The following UGT1A4 variants were observed in gnomAD, a reference collection of about 807,000 sequenced individuals.
The protein encoded by UGT1A4 is UDP-glucuronosyltransferase 1A4.
A neutral mutation model predicts 41.1 loss-of-function variants in UGT1A4; 32 were observed. The observed-to-expected ratio is 0.78, with a 90% CI of 0.59 to 1.05. The LOEUF (loss-of-function observed/expected upper bound fraction) is 1.05. Among genes scored for constraint, UGT1A4 ranks in the 50% least tolerant of loss-of-function variants. The pLI, the probability that UGT1A4 is intolerant of heterozygous loss-of-function variation, is 0.00. For missense variants in UGT1A4, 748 were observed against 677.4 expected (o/e 1.10, Z -1.16); for synonymous variants, 283 against 265.1 (o/e 1.07, Z -0.66).
rs2077866341 is a variant in UGT1A4 at position 233,729,479 on chromosome 2, A to T, written c.867+9792A>T. 5 of 1,614,240 alleles carry T rather than the reference A, an allele frequency of 3.1e-6. No homozygotes were observed. The East Asian group carries it at 1.1e-4, about 36-fold the overall frequency. On this transcript the variant is annotated intron_variant, in intron 1 of 4. Coordinates refer to ENST00000373409, the MANE Select transcript of UGT1A4 (RefSeq NM_007120.3). ...TTTTTCAGAAGTATGGCAATGTTGA[A>T]CAATATGTCTTTGGTCTATCATAGG...
chr2:233,740,981 G>T (rs1424238424), intron 1 of UGT1A4: 1 of 151,674 alleles, frequency 6.6e-6, no homozygotes, highest in African/African-American at 2.4e-5. Flanking sequence ...TAGCTACTGG[G>T]AATGCTGAGG....
chr2:233,772,462 T>C lies in UGT1A4; in HGVS notation c.1508T>C (p.Val503Ala), dbSNP rs752117935. The C allele has an allele frequency of 6.2e-7, 1 of 1,614,170 alleles. No homozygotes were observed. Among genetic ancestry groups the C allele is most frequent in the South Asian group, 1.1e-5 (1 of 91,082 alleles). ...TTCCTCTTGGCCGTCGTGCTGACAG[T>C]GGCCTTCATCACCTTTAAATGTTGT... is the stretch of plus-strand genomic sequence containing the variant. ...IGFLLAVVLTVAFITFKCCAY... is the reference protein window; with the variant it reads ...IGFLLAVVLTAAFITFKCCAY... Residue 503 changes from valine to alanine, a missense_variant, in exon 5 of 5, where the codon GTG becomes GCG. Physicochemically the swap from Val to Ala is moderately conservative, Grantham distance 64. Transcript: ENST00000373409.
intron 4 of UGT1A4, chr2:233,771,323 A>G (rs112105474): frequency 2.6e-5 from 4 of 151,390 alleles, no homozygotes; most frequent in Admixed American, 6.6e-5. Flanking sequence ...CTCCTCTTCA[A>G]TCTCCTCTTC....
intron 1 of UGT1A4, among the ~76,000 whole-genome samples, chr2:233,752,979 T>C (rs993600275): frequency 5.3e-5 from 8 of 152,202 alleles, no homozygotes; most frequent in Non-Finnish European, 1.0e-4. Context: ...ATTGTGTAGA[T>C]ACAAACCCAC....
chr2:233,755,203 AC>A (rs1695811923), intron 1 of UGT1A4: 1 of 1,097,556 alleles, frequency 9.1e-7, no homozygotes, highest in East Asian at 4.8e-5. Flanking sequence ...AGCTTGCGGT[AC>A]GCCTTCTTGA....
chr2:233,719,848 T>G (rs1575529888), intron 1 of UGT1A4, among the ~76,000 whole-genome samples, 161 bp downstream of exon 1: 1 of 152,206 alleles, frequency 6.6e-6, no homozygotes, highest in Non-Finnish European at 1.5e-5. Context: ...TATTTCAAGT[T>G]TTCAGTGGTC....
rs542225006 is a variant in UGT1A4 at position 233,769,560 on chromosome 2, G to A, written c.1307+1121G>A. 3.2e-5 allele frequency: 51 copies of A among 1,612,868 alleles called. No individual in the cohort carries two copies. The African/African-American group carries it at 6.7e-4, about 21-fold the overall frequency. The stretch of plus-strand genomic sequence containing the variant: ...AAGCAGCAGTCAGGAAGACAGATGT[G>A]AAGAGCTGGAGCATGTTCAGATGAG... On this transcript the variant is annotated intron_variant, in intron 4 of 4. Transcript: ENST00000373409. The surrounding 1 kb of genome is among the most constrained non-coding windows in gnomAD (Gnocchi z 4.4).
intron 1 of UGT1A4, among the ~76,000 whole-genome samples, chr2:233,734,101 T>TATA (rs549143261): frequency 0.029 from 4,376 of 151,364 alleles, 190 homozygotes; most frequent in African/African-American, 0.094. Flanking sequence ...AAACTTAAAG[T>TATA]ATAATAATAA....
intron 1 of UGT1A4, among the ~76,000 whole-genome samples, chr2:233,757,212 T>G (rs1174758514): frequency 1.4e-5 from 2 of 147,276 alleles, no homozygotes; most frequent in Admixed American, 1.4e-4. Context: ...CCCAGGAAGC[T>G]GCTGACCAAG....
rs34036745 is a variant in UGT1A4, at chr2:233,769,465, G to T, written c.1307+1026G>T. On this transcript the variant is annotated intron_variant, in intron 4 of 4. Transcript: ENST00000373409. The surrounding 1 kb of genome is among the most constrained non-coding windows in gnomAD (Gnocchi z 4.4). Reference sequence around the variant, plus strand: ...GGTGCACACGTGTGCATTCATATGCGTGTGTGTGTGTGTGCGTGTGTTTAT... The same window carrying T: ...GGTGCACACGTGTGCATTCATATGCTTGTGTGTGTGTGTGCGTGTGTTTAT... 1.5e-6 allele frequency: 2 copies of T among 1,316,538 alleles called. No homozygotes were observed. Among genetic ancestry groups the T allele is most frequent in the Non-Finnish European group, 2.1e-6 (2 of 963,564 alleles). 81.6% of individuals were successfully genotyped at this position (1,316,538 alleles called of 1,614,324 possible).
At chr2:233,760,657 T>G in intron 1 of UGT1A4, 1 of 1,614,222 alleles carries the variant, frequency 6.2e-7, no homozygotes. Flanking sequence ...TGCTATGCTT[T>G]TGTCTGGCTG....
chr2:233,725,125 G>A (rs1256400023), intron 1 of UGT1A4, among the ~76,000 whole-genome samples: 1 of 138,156 alleles, frequency 7.2e-6, no homozygotes, highest in Non-Finnish European at 1.5e-5. Context: ...GCAGTGAGCC[G>A]AGATGGCAGC....
rs1208281269 is a variant in UGT1A4 at position 233,769,345 on chromosome 2, G to C, written c.1307+906G>C. Among the ~76,000 whole-genome samples, 1 of 152,210 alleles carries C rather than the reference G, an allele frequency of 6.6e-6. No individual in the cohort carries two copies. The highest frequency in any genetic ancestry group is 1.5e-5 in the Non-Finnish European group (1 of 68,032). On this transcript the variant is annotated intron_variant, in intron 4 of 4. Coordinates refer to ENST00000373409, the MANE Select transcript of UGT1A4 (RefSeq NM_007120.3). This position sits in a 1 kb window ranked among gnomAD's most constrained non-coding sequence, Gnocchi z 4.4. ...GTAATAGGCTTATTAGAACCTTATG[G>C]GAAGAAGTGGTGGCCAGTGGTAGAT...
At chr2:233,747,290 C>A (rs1693611361) in intron 1 of UGT1A4, 1 of 1,601,096 alleles carries the variant, frequency 6.2e-7, no homozygotes, top group Admixed American at 1.7e-5. Context: ...CAGCCCTGGG[C>A]TGAGAGTGGG....
At chr2:233,747,916 C>A in intron 1 of UGT1A4, 1 of 1,613,518 alleles carries the variant, frequency 6.2e-7, no homozygotes, top group South Asian at 1.1e-5. Context: ...GCAAGCCTTG[C>A]CTCTGAGCTT....
chr2:233,723,392 T>C (rs1199723178), intron 1 of UGT1A4, among the ~76,000 whole-genome samples: 1 of 129,940 alleles, frequency 7.7e-6, no homozygotes, highest in Non-Finnish European at 1.6e-5. Context: ...GTACTTTTAG[T>C]AGAGATGGGG....
chr2:233,744,294 C>T (rs1692766749), intron 1 of UGT1A4, among the ~76,000 whole-genome samples: 1 of 151,800 alleles, frequency 6.6e-6, no homozygotes, highest in Admixed American at 6.5e-5. Context: ...TCTTTTTCCT[C>T]GGCCACAGGA....
At chr2:233,756,596 T>C (rs985647767) in intron 1 of UGT1A4, among the ~76,000 whole-genome samples, 4 of 152,230 alleles carry the variant, frequency 2.6e-5, no homozygotes, top group African/African-American at 7.2e-5. Context: ...CTATTTACTG[T>C]ATCGAAACCA....
chr2:233,751,035 T>C (rs1231285641), intron 1 of UGT1A4, among the ~76,000 whole-genome samples: 3 of 151,854 alleles, frequency 2.0e-5, no homozygotes, highest in African/African-American at 7.3e-5. Context: ...TAGCTTGCAC[T>C]GTGTGCCTGG....
Sources: allele counts gnomAD v4.1 joint callset (sites outside exome capture counted in the v4.1 genomes callset), GRCh38; gene constraint gnomAD v4.1.1; non-coding constraint Gnocchi (gnomAD v3.1); transcripts MANE v1.5; gene names NCBI Gene and HGNC (gene_info 2026-07-23, HGNC 2026-07-21).